The following LRRC4C variants were observed in gnomAD, a reference collection of about 807,000 sequenced individuals.
LRRC4C encodes leucine-rich repeat-containing protein 4C.
A neutral mutation model predicts 33.6 loss-of-function variants in LRRC4C; 5 were observed. The ratio of observed to expected loss-of-function variants is 0.15; its 90% CI spans 0.08 to 0.31. LRRC4C has a LOEUF of 0.31. Ranked by LOEUF, LRRC4C falls within the 10% of genes least tolerant of loss-of-function variation. LRRC4C has a pLI of 1.00. For missense variants in LRRC4C, 560 were observed against 796.7 expected, an observed-to-expected ratio of 0.70 and a Z score of 3.58; for synonymous variants, 329 against 302.0, an observed-to-expected ratio of 1.09 and a Z score of -0.93.
chr11:41,362,047 A>G lies in LRRC4C; in HGVS notation c.-496+97384T>C, dbSNP rs1437834640. On this transcript the variant is annotated intron_variant, in intron 1 of 6. Transcript: ENST00000528697. ...TTTCTAACAGCATTAGTTTTCAAAGAAAGTTTGGAGATGCAGTTTAATCTA... is the reference window on the plus strand; with the variant it reads ...TTTCTAACAGCATTAGTTTTCAAAGGAAGTTTGGAGATGCAGTTTAATCTA... Among the ~76,000 whole-genome samples the G allele has an allele frequency of 2.6e-5, 4 of 152,202 alleles. 1 individual carries two copies. The highest frequency in any genetic ancestry group is 2.6e-4 in the Admixed American group (4 of 15,284).
At chr11:40,315,051 A>T (rs1945508337) in intron 4 of LRRC4C, among the ~76,000 whole-genome samples, 1 of 152,062 alleles carries the variant, frequency 6.6e-6, no homozygotes, top group Non-Finnish European at 1.5e-5. Context: ...AAAAGAGGAT[A>T]TTGAATGCTT....
intron 5 of LRRC4C, among the ~76,000 whole-genome samples, chr11:40,238,037 A>G (rs752998487): frequency 3.9e-5 from 6 of 152,184 alleles, no homozygotes; most frequent in African/African-American, 7.2e-5. Flanking sequence ...CTCAGCACAA[A>G]TGGTACACTG....
chr11:40,969,008 G>C (rs1851538227), intron 1 of LRRC4C, among the ~76,000 whole-genome samples: 1 of 152,124 alleles, frequency 6.6e-6, no homozygotes, highest in African/African-American at 2.4e-5. Context: ...AGAGCACACT[G>C]AAAATCTTCG....
At chr11:40,373,919 T>C (rs1182292325) in intron 3 of LRRC4C, among the ~76,000 whole-genome samples, 3 of 152,204 alleles carry the variant, frequency 2.0e-5, no homozygotes, top group Non-Finnish European at 4.4e-5. Context: ...TTAAACCTTT[T>C]ATTAAAATAA....
chr11:40,374,137 G>C (rs748037790), intron 3 of LRRC4C, among the ~76,000 whole-genome samples: 2 of 152,044 alleles, frequency 1.3e-5, no homozygotes, highest in Non-Finnish European at 2.9e-5. Flanking sequence ...TTAATTACTG[G>C]GGGAAACGAA....
intron 3 of LRRC4C, among the ~76,000 whole-genome samples, chr11:40,561,709 GC>G (rs995985417): frequency 2.4e-4 from 37 of 152,206 alleles, no homozygotes; most frequent in African/African-American, 7.2e-4. Context: ...ACCGCGCCCG[GC>G]CCGTTGTTGT....
At chr11:40,333,957 CTTAG>C (rs955609985) in intron 3 of LRRC4C, among the ~76,000 whole-genome samples, 20 of 152,024 alleles carry the variant, frequency 1.3e-4, no homozygotes, top group African/African-American at 4.8e-4. Context: ...AAGTCAAAAT[CTTAG>C]TTAGATAACC....
chr11:41,294,801 T>C (rs1950091763), intron 1 of LRRC4C, among the ~76,000 whole-genome samples: 1 of 152,176 alleles, frequency 6.6e-6, no homozygotes, highest in South Asian at 2.1e-4. Flanking sequence ...ATAAGGGTAA[T>C]TGAGTCATAA....
At chr11:41,147,695 G>T (rs1943789740) in intron 1 of LRRC4C, among the ~76,000 whole-genome samples, 1 of 152,176 alleles carries the variant, frequency 6.6e-6, no homozygotes, top group Non-Finnish European at 1.5e-5. Flanking sequence ...TCATGGCTTT[G>T]TACTATTACA....
At chr11:40,964,461 C>T (rs1001786892) in intron 1 of LRRC4C, among the ~76,000 whole-genome samples, 2 of 151,544 alleles carry the variant, frequency 1.3e-5, no homozygotes, top group Non-Finnish European at 2.9e-5. Flanking sequence ...TGTTGGTGTG[C>T]TGCACCCATT....
chr11:40,743,032 C>G (rs1948237179), intron 2 of LRRC4C, among the ~76,000 whole-genome samples: 1 of 151,980 alleles, frequency 6.6e-6, no homozygotes. Context: ...TAGAAAAGGT[C>G]AAGATCTTTA....
intron 1 of LRRC4C, among the ~76,000 whole-genome samples, chr11:41,355,175 A>G (rs1952116878): frequency 6.6e-6 from 1 of 152,048 alleles, no homozygotes; most frequent in South Asian, 2.1e-4. Context: ...ATGAACAGAC[A>G]TTTCTCAAAA....
intron 1 of LRRC4C, among the ~76,000 whole-genome samples, chr11:40,969,569 C>T (rs547935004): frequency 1.6e-4 from 25 of 152,152 alleles, no homozygotes; most frequent in Middle Eastern, 3.4e-3. Context: ...CTTCAGCACT[C>T]ACCACCCTGA....
At chr11:40,237,383 A>G (rs948845659) in intron 5 of LRRC4C, among the ~76,000 whole-genome samples, 2 of 151,636 alleles carry the variant, frequency 1.3e-5, no homozygotes, top group Non-Finnish European at 2.9e-5. Flanking sequence ...TTAGAGGTCC[A>G]GAGTCTTGCC....
At chr11:40,843,639 G>C (rs1953016092) in intron 2 of LRRC4C, among the ~76,000 whole-genome samples, 1 of 152,072 alleles carries the variant, frequency 6.6e-6, no homozygotes, top group Admixed American at 6.6e-5. Context: ...ACATTGGTAA[G>C]GATACAAAGC....
At chr11:41,451,579 T>A (rs970297048) in intron 1 of LRRC4C, among the ~76,000 whole-genome samples, 1 of 152,058 alleles carries the variant, frequency 6.6e-6, no homozygotes, top group Admixed American at 6.6e-5. Context: ...CAGTGAGGCA[T>A]GACAGGTCAA....
At chr11:40,455,638 G>A (rs1025458373) in intron 3 of LRRC4C, among the ~76,000 whole-genome samples, 8 of 152,216 alleles carry the variant, frequency 5.3e-5, no homozygotes, top group African/African-American at 1.9e-4. Flanking sequence ...AGAGAAAAAG[G>A]TCTTTCTATC....
chr11:40,525,500 AC>A (rs1201388390), intron 3 of LRRC4C, among the ~76,000 whole-genome samples: 1 of 152,124 alleles, frequency 6.6e-6, no homozygotes, highest in African/African-American at 2.4e-5. Flanking sequence ...AATTTACATT[AC>A]TAAAAATATA....
chr11:41,387,694 T>C (rs968855580), intron 1 of LRRC4C, among the ~76,000 whole-genome samples: 4 of 151,810 alleles, frequency 2.6e-5, no homozygotes, highest in Non-Finnish European at 4.4e-5. Flanking sequence ...CAAAATGTTA[T>C]GGGTGACCCT....
Sources: allele counts gnomAD v4.1 joint callset (sites outside exome capture counted in the v4.1 genomes callset), GRCh38; gene constraint gnomAD v4.1.1; transcripts MANE v1.5; gene names NCBI Gene and HGNC (gene_info 2026-07-23, HGNC 2026-07-21).